The following LRFN5 variants were observed in gnomAD, a reference collection of about 807,000 sequenced individuals.
The protein encoded by LRFN5 is leucine-rich repeat and fibronectin type-III domain-containing protein 5.
Under a neutral mutation model 45.6 loss-of-function variants are expected in LRFN5, and 24 were observed. That is an observed-to-expected ratio of 0.53 (90% CI 0.38 to 0.74). The LOEUF (loss-of-function observed/expected upper bound fraction) is 0.74. LRFN5 is among the 30% of genes least tolerant of loss of function. LRFN5 has a pLI of 0.00. For synonymous variants in LRFN5, 340 were observed against 313.8 expected (o/e 1.08, Z -0.88); for missense variants, 776 against 861.5 (o/e 0.90, Z 1.24).
chr14:41,654,824 A>T (rs1310601248), intron 1 of LRFN5, among the ~76,000 whole-genome samples: 3 of 152,056 alleles, frequency 2.0e-5, no homozygotes, highest in Non-Finnish European at 2.9e-5. Flanking sequence ...CAGTACTGAT[A>T]TTGTAGTAGC....
chr14:41,889,862 A>C (rs1239409439), intron 3 of LRFN5, among the ~76,000 whole-genome samples: 1 of 151,956 alleles, frequency 6.6e-6, no homozygotes, highest in Non-Finnish European at 1.5e-5. Flanking sequence ...ATGTCTATAA[A>C]CTCTTTATTT....
chr14:41,892,092 T>C, intron 4 of LRFN5, 130 bp downstream of exon 4: 1 of 1,451,422 alleles, frequency 6.9e-7, no homozygotes, highest in Non-Finnish European at 9.0e-7. Context: ...AAAAGAAGCA[T>C]GTCTATGAAT....
chr14:41,679,786 G>A (rs1881802744), intron 1 of LRFN5, among the ~76,000 whole-genome samples: 1 of 152,134 alleles, frequency 6.6e-6, no homozygotes, highest in Non-Finnish European at 1.5e-5. Context: ...GGCACCAATG[G>A]AGTAGAGAAT....
Position 41,659,337 on chromosome 14 carries a change from T to C in LRFN5, c.-197+50775T>C, listed in dbSNP as rs553353189. ...TGTTCCTGTGCTACTTTGCTTAGAG[T>C]GATGGTTTCCAGCTTCATCCCTGTC... is the stretch of plus-strand genomic sequence containing the variant. On this transcript the variant is annotated intron_variant, in intron 1 of 5. Coordinates refer to ENST00000298119, the MANE Select transcript of LRFN5 (RefSeq NM_152447.5). Among the ~76,000 whole-genome samples, 5 of 152,134 alleles carry C rather than the reference T, an allele frequency of 3.3e-5. No homozygotes were observed. The East Asian group carries it at 9.7e-4, about 30-fold the overall frequency.
intron 1 of LRFN5, among the ~76,000 whole-genome samples, chr14:41,667,836 G>A (rs900053970): frequency 2.7e-5 from 4 of 150,108 alleles, no homozygotes; most frequent in African/African-American, 7.6e-5. Context: ...CATGGCTTCT[G>A]ACAGTTTATA....
At chr14:41,840,829 C>G (rs1022426185) in intron 2 of LRFN5, among the ~76,000 whole-genome samples, 4 of 151,968 alleles carry the variant, frequency 2.6e-5, no homozygotes, top group East Asian at 1.9e-4. Context: ...AATGTGGTAT[C>G]TATTTGTTGT....
At chr14:41,617,717 G>A (rs1015105376) in intron 1 of LRFN5, among the ~76,000 whole-genome samples, 3 of 152,146 alleles carry the variant, frequency 2.0e-5, no homozygotes, top group African/African-American at 7.2e-5. Flanking sequence ...TGATAAAATA[G>A]TGTGATTTTG....
Position 41,743,288 on chromosome 14 carries a change from CA to C in LRFN5, c.-196-23565del, listed in dbSNP as rs1334904053. Among the ~76,000 whole-genome samples, 8 of 152,170 alleles carry C rather than the reference CA, an allele frequency of 5.3e-5. 1 individual carries two copies. The highest frequency in any genetic ancestry group is 9.6e-5 in the African/African-American group (4 of 41,530). On this transcript the variant is annotated intron_variant, in intron 1 of 5. Transcript: ENST00000298119. Reference sequence around the variant, plus strand: ...TACATCGCCCTACCTTCACTTAAGCCAGACATGCAAGGTGATCAGATATGAA... The same window carrying C: ...TACATCGCCCTACCTTCACTTAAGCCGACATGCAAGGTGATCAGATATGAA...
intron 1 of LRFN5, among the ~76,000 whole-genome samples, chr14:41,641,707 G>T (rs747891796): frequency 6.6e-6 from 1 of 151,934 alleles, no homozygotes; most frequent in Non-Finnish European, 1.5e-5. Flanking sequence ...TATTAACATA[G>T]TTCCTTGTGG....
chr14:41,703,963 T>A (rs1021468046), intron 1 of LRFN5, among the ~76,000 whole-genome samples: 5 of 152,118 alleles, frequency 3.3e-5, no homozygotes, highest in African/African-American at 1.2e-4. Context: ...TGTGTCTGAC[T>A]TGCTTATCAC....
chr14:41,697,219 T>A (rs1409171694), intron 1 of LRFN5, among the ~76,000 whole-genome samples: 1 of 151,998 alleles, frequency 6.6e-6, no homozygotes, highest in Non-Finnish European at 1.5e-5. Context: ...AGAATTTTAT[T>A]TGTAGGAAGA....
chr14:41,610,267 C>T (rs1594546147), intron 1 of LRFN5: 2 of 152,238 alleles, frequency 1.3e-5, no homozygotes, highest in Non-Finnish European at 2.9e-5. Flanking sequence ...CTCTCTCCCT[C>T]CCCGCGACAA....
At chr14:41,838,094 G>A (rs902998775) in intron 2 of LRFN5, among the ~76,000 whole-genome samples, 1 of 151,984 alleles carries the variant, frequency 6.6e-6, no homozygotes, top group Non-Finnish European at 1.5e-5. Context: ...TGTGCTTATC[G>A]TTAGTGTAAT....
At chr14:41,794,741 A>G (rs892294958) in intron 2 of LRFN5, among the ~76,000 whole-genome samples, 1 of 152,018 alleles carries the variant, frequency 6.6e-6, no homozygotes, top group Non-Finnish European at 1.5e-5. Context: ...CTAGTCAGAA[A>G]TTGTAGAAGA....
chr14:41,884,617 G>T (rs958223082), intron 2 of LRFN5, among the ~76,000 whole-genome samples: 4 of 152,128 alleles, frequency 2.6e-5, no homozygotes, highest in Non-Finnish European at 5.9e-5. Flanking sequence ...CAGCAAGCTG[G>T]TAAGGAAAAC....
intron 2 of LRFN5, among the ~76,000 whole-genome samples, chr14:41,790,613 A>G (rs1886886392): frequency 6.6e-6 from 1 of 150,754 alleles, no homozygotes; most frequent in Non-Finnish European, 1.5e-5. Flanking sequence ...GTTGCAATAC[A>G]TATTATCGAT....
intron 1 of LRFN5, among the ~76,000 whole-genome samples, chr14:41,676,579 T>A (rs1273859760): frequency 6.6e-6 from 1 of 151,850 alleles, no homozygotes; most frequent in Non-Finnish European, 1.5e-5. Flanking sequence ...AGAAGAACCC[T>A]CCTAGGTTTT....
At chr14:41,784,029 A>C (rs1214861052) in intron 2 of LRFN5, among the ~76,000 whole-genome samples, 1 of 152,138 alleles carries the variant, frequency 6.6e-6, no homozygotes, top group African/African-American at 2.4e-5. Context: ...ACATTGGCCT[A>C]TATGTAAGGA....
At chr14:41,746,160 C>CTG in intron 1 of LRFN5, among the ~76,000 whole-genome samples, 1 of 152,058 alleles carries the variant, frequency 6.6e-6, no homozygotes, top group Admixed American at 6.6e-5. Context: ...TACCGACTGA[C>CTG]TGTGTGTGAC....
Sources: gnomAD v4.1 joint callset for allele counts (sites outside exome capture counted in the v4.1 genomes callset) on GRCh38, gnomAD v4.1.1 for gene constraint, MANE v1.5 for transcripts, NCBI Gene and HGNC (gene_info 2026-07-23, HGNC 2026-07-21) for gene names.